Variants in UTRN observed in about 807,000 individuals in gnomAD.
UTRN encodes utrophin, also known as dystrophin-related protein 1.
Under a neutral mutation model 463.9 loss-of-function variants are expected in UTRN, and 283 were observed. The ratio of observed to expected loss-of-function variants is 0.61; its 90% CI spans 0.55 to 0.67. The LOEUF (loss-of-function observed/expected upper bound fraction) is 0.67, where lower values mean the gene tolerates loss of function less well. Ranked by LOEUF, UTRN falls within the 30% of genes least tolerant of loss-of-function variation. The probability of loss-of-function intolerance (pLI) is 0.00; values close to 1 mark genes in which losing one functional copy is unlikely to be tolerated. For missense variants in UTRN, 3,922 were observed against 4,084.3 expected (o/e 0.96, Z 1.08); for synonymous variants, 1,442 against 1,431.5 (o/e 1.01, Z -0.17).
At chr6:144,486,739 C>T (rs1341079151) in intron 28 of UTRN, among the ~76,000 whole-genome samples, 2 of 152,110 alleles carry the variant, frequency 1.3e-5, no homozygotes, top group African/African-American at 4.8e-5. Context: ...AGGCTGGGCT[C>T]GAACTCCTGA....
chr6:144,335,261 G>A (rs563770692), intron 2 of UTRN, among the ~76,000 whole-genome samples: 1 of 152,218 alleles, frequency 6.6e-6, no homozygotes. Context: ...GTTGACCACT[G>A]TCCTGGAATA....
intron 34 of UTRN, among the ~76,000 whole-genome samples, chr6:144,507,628 C>T (rs1794793880): frequency 1.3e-5 from 2 of 152,154 alleles, no homozygotes; most frequent in South Asian, 4.1e-4. Context: ...CTGCTCCTTC[C>T]TCTGGAAGCT....
At chr6:144,812,647 A>G (rs1282064756) in intron 65 of UTRN, among the ~76,000 whole-genome samples, 3 of 152,208 alleles carry the variant, frequency 2.0e-5, no homozygotes, top group African/African-American at 7.2e-5. Context: ...TGTCAAGGAT[A>G]AAATGGAAGA....
chr6:144,821,417 T>G (rs771165724), intron 66 of UTRN, among the ~76,000 whole-genome samples: 2 of 152,068 alleles, frequency 1.3e-5, no homozygotes, highest in African/African-American at 2.4e-5. Flanking sequence ...TATACTCTTT[T>G]TGCATCTCTT....
At position 144,575,157 on chromosome 6, in the gene UTRN, T is replaced by C. The variant is rs1032714451; in HGVS notation, c.7290-1942T>C. Among the ~76,000 whole-genome samples the C allele has an allele frequency of 7.2e-5, 11 of 152,184 alleles. No homozygotes were observed. The South Asian group carries it at 1.0e-3, about 14-fold the overall frequency. ...AATGTGCTGAGCATATTTTCATTTGTTTATTTGTCATCTAAACATCTTCTA... is the reference window on the plus strand; with the variant it reads ...AATGTGCTGAGCATATTTTCATTTGCTTATTTGTCATCTAAACATCTTCTA... On this transcript the variant is annotated intron_variant, in intron 50 of 74. Transcript: ENST00000367545.
At chr6:144,485,329 A>G in intron 27 of UTRN, 56 bp from the exon 28 acceptor site, 1 of 1,606,306 alleles carries the variant, frequency 6.2e-7, no homozygotes, top group East Asian at 2.2e-5. Flanking sequence ...GTGTAGTACT[A>G]GAGATACGAT....
At chr6:144,350,233 T>A (rs1275156587) in intron 2 of UTRN, among the ~76,000 whole-genome samples, 3 of 151,104 alleles carry the variant, frequency 2.0e-5, no homozygotes, top group Non-Finnish European at 4.4e-5. Flanking sequence ...CTTTAAAATA[T>A]CTTAAGTAAT....
intron 55 of UTRN, among the ~76,000 whole-genome samples, chr6:144,749,100 G>A (rs546185492): frequency 6.6e-6 from 1 of 152,086 alleles, no homozygotes; most frequent in Non-Finnish European, 1.5e-5. Flanking sequence ...AATTCTGTTT[G>A]TAGTAAGGAA....
intron 51 of UTRN, among the ~76,000 whole-genome samples, chr6:144,627,945 G>A (rs1008466903): frequency 6.6e-6 from 1 of 151,750 alleles, no homozygotes; most frequent in Non-Finnish European, 1.5e-5. Context: ...GATTATGGGT[G>A]TACAACACCA....
chr6:144,758,502 GTTTTTC>G (rs1344623279), intron 58 of UTRN, among the ~76,000 whole-genome samples: 1 of 152,040 alleles, frequency 6.6e-6, no homozygotes, highest in African/African-American at 2.4e-5. Context: ...ATATTGTCAA[GTTTTTC>G]TTTGTCTTAT....
chr6:144,384,157 T>C (rs1227486603), intron 2 of UTRN, among the ~76,000 whole-genome samples: 1 of 152,196 alleles, frequency 6.6e-6, no homozygotes, highest in Non-Finnish European at 1.5e-5. Flanking sequence ...TTCTCCTGAA[T>C]TCTTTTCTTG....
chr6:144,660,278 A>G (rs1302156816), intron 51 of UTRN: 1 of 471,206 alleles, frequency 2.1e-6, no homozygotes, highest in East Asian at 6.9e-5. Context: ...TTGAAAAGGT[A>G]TGCAGAAAGC....
At chr6:144,405,600 A>T (rs752478788) in intron 3 of UTRN, among the ~76,000 whole-genome samples, 1 of 152,112 alleles carries the variant, frequency 6.6e-6, no homozygotes, top group Non-Finnish European at 1.5e-5. Flanking sequence ...TGGGTCCACT[A>T]CTTCCCTACA....
intron 54 of UTRN, among the ~76,000 whole-genome samples, chr6:144,737,814 T>TA (rs962755259): frequency 2.4e-4 from 35 of 145,308 alleles, no homozygotes; most frequent in African/African-American, 7.8e-4. Context: ...TTTTTCCTTT[T>TA]AATGCAATTG....
At chr6:144,619,805 C>A (rs1471164717) in intron 51 of UTRN, among the ~76,000 whole-genome samples, 1 of 152,150 alleles carries the variant, frequency 6.6e-6, no homozygotes, top group Non-Finnish European at 1.5e-5. Flanking sequence ...ATATCTGCCC[C>A]CATTTTGAAA....
At chr6:144,488,306 G>A (rs961350830) in intron 29 of UTRN, among the ~76,000 whole-genome samples, 2 of 152,108 alleles carry the variant, frequency 1.3e-5, no homozygotes, top group African/African-American at 4.8e-5. Flanking sequence ...TTTGTGTATT[G>A]ATAGACATTT....
At chr6:144,661,557 G>C (rs1192119153) in intron 51 of UTRN, among the ~76,000 whole-genome samples, 1 of 152,150 alleles carries the variant, frequency 6.6e-6, no homozygotes, top group Non-Finnish European at 1.5e-5. Context: ...CACTTAGAAG[G>C]GGCGGGGAAG....
chr6:144,552,833 T>C (rs1022533693), intron 48 of UTRN, among the ~76,000 whole-genome samples: 1 of 152,212 alleles, frequency 6.6e-6, no homozygotes. Flanking sequence ...AGGATTCTAT[T>C]AGTAATAGAA....
chr6:144,523,318 T>TG, intron 41 of UTRN, 130 bp downstream of exon 41: 1 of 767,456 alleles, frequency 1.3e-6, no homozygotes, highest in Middle Eastern at 4.1e-4. Context: ...CTATTATTTT[T>TG]TTTTCTTTTA....
Sources: gnomAD v4.1 joint callset for allele counts (sites outside exome capture counted in the v4.1 genomes callset) on GRCh38, gnomAD v4.1.1 for gene constraint, MANE v1.5 for transcripts, NCBI Gene and HGNC (gene_info 2026-07-23, HGNC 2026-07-21) for gene names.